The following ENPP2 variants were observed in gnomAD, a reference collection of about 807,000 sequenced individuals.
ENPP2 encodes autotaxin.
A neutral mutation model predicts 120.2 loss-of-function variants in ENPP2; 51 were observed. That is an observed-to-expected ratio of 0.42 (90% confidence interval 0.34 to 0.54). The LOEUF is 0.54. Among genes scored for constraint, ENPP2 ranks in the 20% least tolerant of loss-of-function variants. The probability of loss-of-function intolerance (pLI) is 0.04; values close to 1 mark genes in which losing one functional copy is unlikely to be tolerated. For synonymous variants in ENPP2, 365 were observed against 366.4 expected, an observed-to-expected ratio of 1.00 and a Z score of 0.04; for missense variants, 920 against 1,066.5, an observed-to-expected ratio of 0.86 and a Z score of 1.91.
At chr8:119,619,824 A>T (rs924993520) in intron 4 of ENPP2, among the ~76,000 whole-genome samples, 1 of 152,198 alleles carries the variant, frequency 6.6e-6, no homozygotes, top group African/African-American at 2.4e-5. Context: ...AAAGAAAAAA[A>T]TGCTAAATTT....
chr8:119,671,905 G>A (rs1419831356), intron 1 of ENPP2, among the ~76,000 whole-genome samples: 2 of 152,160 alleles, frequency 1.3e-5, no homozygotes, highest in Non-Finnish European at 1.5e-5. Flanking sequence ...AGGTCAGAAG[G>A]AAGCCCGGGA....
chr8:119,571,875 A>C (rs1815017390), intron 19 of ENPP2: 1 of 233,902 alleles, frequency 4.3e-6, no homozygotes, highest in Non-Finnish European at 8.3e-6. Context: ...GTAATGGAGA[A>C]AAGTCTTCGT....
intron 11 of ENPP2, among the ~76,000 whole-genome samples, chr8:119,597,668 G>A (rs1457916583): frequency 2.6e-5 from 4 of 152,114 alleles, no homozygotes; most frequent in Admixed American, 6.5e-5. Context: ...AAGAGCAGCC[G>A]AACAAGGGGT....
At chr8:119,590,716 T>C in intron 12 of ENPP2, 86 bp from the exon 13 acceptor site, 1 of 973,626 alleles carries the variant, frequency 1.0e-6, no homozygotes, top group Non-Finnish European at 1.5e-6. Context: ...TCCAGGCATC[T>C]CTTTAGTTAG....
chr8:119,642,478 C>T (rs2130854351), upstream of ENPP2, among the ~76,000 whole-genome samples: 1 of 151,722 alleles, frequency 6.6e-6, no homozygotes, highest in Non-Finnish European at 1.5e-5. Flanking sequence ...ATCTATGTTT[C>T]CTCAAAAAAA....
chr8:119,560,966 A>C (rs1358794366), intron 24 of ENPP2, among the ~76,000 whole-genome samples: 1 of 152,158 alleles, frequency 6.6e-6, no homozygotes, highest in African/African-American at 2.4e-5. Context: ...ACATAATCGG[A>C]TCACAACATG....
Position 119,601,470 on chromosome 8 carries a change from G to A in ENPP2, c.834-8C>T. 6.2e-7 allele frequency: 1 copy of A among 1,610,490 alleles called. No individual in the cohort carries two copies. Among genetic ancestry groups the A allele is most frequent in the Non-Finnish European group, 8.5e-7 (1 of 1,176,992 alleles). On this transcript the variant is annotated splice_region_variant and splice_polypyrimidine_tract_variant and intron_variant, in intron 9 of 24. Transcript: ENST00000075322. ...CGCTCGTGAGGGATGACACTGGAGG[G>A]TAAAAGCAAGCAAAGCATGTTGTTA... is the stretch of plus-strand genomic sequence containing the variant.
chr8:119,573,407 T>TAAAAAAAAAAAAA (rs1563680979), intron 19 of ENPP2, among the ~76,000 whole-genome samples: 36 of 71,540 alleles, frequency 5.0e-4, no homozygotes, highest in African/African-American at 2.5e-3. Flanking sequence ...GCTCCGTCTC[T>TAAAAAAAAAAAAA]TAAAAAAAAA....
In ENPP2 at chr8:119,621,538, A is replaced by C. The variant is rs373990748; in HGVS notation, c.293-19T>G. The C allele has an allele frequency of 4.3e-6, 7 of 1,610,798 alleles. No homozygotes were observed. In the African/African-American group the frequency reaches 9.4e-5, roughly 22 times the overall value. On this transcript the variant is annotated intron_variant, in intron 3 of 24. Coordinates refer to ENST00000075322, the MANE Select transcript of ENPP2 (RefSeq NM_001040092.3). The stretch of plus-strand genomic sequence containing the variant: ...CCACGGGCTAAAATCATCCCAATAA[A>C]ACATTTTCACTGCTGCACACTAACC...
chr8:119,573,353 G>C (rs1587356737), intron 19 of ENPP2, among the ~76,000 whole-genome samples: 1 of 146,294 alleles, frequency 6.8e-6, no homozygotes, highest in South Asian at 2.2e-4. Context: ...GATGCAGTTA[G>C]CCAAGGTCAT....
At chr8:119,633,643 AT>A (rs1816817421) in intron 2 of ENPP2, among the ~76,000 whole-genome samples, 1 of 151,768 alleles carries the variant, frequency 6.6e-6, no homozygotes, top group Admixed American at 6.6e-5. Flanking sequence ...CTTTTTTCGT[AT>A]TGAATTTGCC....
chr8:119,605,430 A>ATGTGTG (rs573767269), intron 9 of ENPP2, among the ~76,000 whole-genome samples: 172 of 133,810 alleles, frequency 1.3e-3, no homozygotes, highest in Middle Eastern at 3.8e-3. Flanking sequence ...GATACCATAT[A>ATGTGTG]TGTGTGTGTG....
chr8:119,579,906 A>G (rs1812610088), intron 19 of ENPP2, among the ~76,000 whole-genome samples: 1 of 152,170 alleles, frequency 6.6e-6, no homozygotes, highest in East Asian at 1.9e-4. Flanking sequence ...AGGGGGGAGA[A>G]AAGCTATTGG....
chr8:119,646,653 T>G (rs1817476684), intron 1 of ENPP2, among the ~76,000 whole-genome samples: 1 of 152,228 alleles, frequency 6.6e-6, no homozygotes. Context: ...TTTTCTTGTC[T>G]GTTTCCATCT....
At chr8:119,624,349 TA>T (rs1816122087) in intron 3 of ENPP2, among the ~76,000 whole-genome samples, 1 of 152,170 alleles carries the variant, frequency 6.6e-6, no homozygotes, top group African/African-American at 2.4e-5. Flanking sequence ...GGAGGTCACC[TA>T]CCAGATTATT....
At chr8:119,563,900 CTT>C (rs1814172576) in intron 23 of ENPP2, among the ~76,000 whole-genome samples, 1 of 151,492 alleles carries the variant, frequency 6.6e-6, no homozygotes, top group African/African-American at 2.4e-5. Flanking sequence ...ATTAAACCCT[CTT>C]ATACTCTGGG....
At chr8:119,661,514 GACA>G (rs1056594954) in intron 1 of ENPP2, among the ~76,000 whole-genome samples, 5 of 152,110 alleles carry the variant, frequency 3.3e-5, no homozygotes, top group African/African-American at 1.2e-4. Flanking sequence ...AACAAAGAAA[GACA>G]ACAAGTGTTG....
At chr8:119,667,186 A>G (rs1262630145) in intron 1 of ENPP2, among the ~76,000 whole-genome samples, 1 of 152,172 alleles carries the variant, frequency 6.6e-6, no homozygotes, top group African/African-American at 2.4e-5. Flanking sequence ...TTAAATACCA[A>G]GCTCAGATAT....
At chr8:119,652,806 A>G (rs1445498377) in intron 1 of ENPP2, among the ~76,000 whole-genome samples, 1 of 152,238 alleles carries the variant, frequency 6.6e-6, no homozygotes, top group African/African-American at 2.4e-5. Context: ...ATTCAAAAAT[A>G]TATCAACAGG....
Sources: gnomAD v4.1 joint callset for allele counts (sites outside exome capture counted in the v4.1 genomes callset) on GRCh38, gnomAD v4.1.1 for gene constraint, MANE v1.5 for transcripts, NCBI Gene and HGNC (gene_info 2026-07-23, HGNC 2026-07-21) for gene names.